The following RCAN3 variants were observed in gnomAD, a reference collection of about 807,000 sequenced individuals.
The protein encoded by RCAN3 is calcipressin-3.
A neutral mutation model predicts 21.9 loss-of-function variants in RCAN3; 19 were observed. The observed-to-expected ratio is 0.87, with a 90% CI of 0.61 to 1.27. The LOEUF (loss-of-function observed/expected upper bound fraction) is 1.27, where lower values mean the gene tolerates loss of function less well. Ranked by LOEUF, RCAN3 falls within the 50% of genes most tolerant of loss-of-function variation. RCAN3 has a pLI of 0.00. For synonymous variants in RCAN3, 114 were observed against 112.3 expected (o/e 1.01, Z -0.09); for missense variants, 240 against 300.1 (o/e 0.80, Z 1.48).
chr1:24,515,913 G>A (rs1015674866), intron 2 of RCAN3, among the ~76,000 whole-genome samples: 2 of 152,220 alleles, frequency 1.3e-5, no homozygotes, highest in African/African-American at 4.8e-5. Context: ...GGGAGGCCAA[G>A]GCAGGCAGAT....
chr1:24,503,932 C>A (rs1210218106), intron 1 of RCAN3, among the ~76,000 whole-genome samples: 1 of 152,204 alleles, frequency 6.6e-6, no homozygotes, highest in Non-Finnish European at 1.5e-5. Flanking sequence ...TGATTACATA[C>A]GATGTAAAGT....
rs951135070 is a variant in RCAN3, at chr1:24,525,404, T to C, written c.196-5814T>C. ...GTCTGTATTTTGTGGAAAACCTACT[T>C]ACATCATAGGAAAAAGCCTCAGGCA... On this transcript the variant is annotated intron_variant, in intron 2 of 4. Coordinates refer to ENST00000374395, the MANE Select transcript of RCAN3 (RefSeq NM_013441.4). The surrounding 1 kb of genome is among the most constrained non-coding windows in gnomAD (Gnocchi z 4.1). 2.6e-5 allele frequency among the ~76,000 whole-genome samples: 4 copies of C among 152,172 alleles called. No individual in the cohort carries two copies. Among genetic ancestry groups the C allele is most frequent in the Non-Finnish European group, 2.9e-5 (2 of 68,024 alleles).
At chr1:24,529,590 A>C (rs1570479034) in intron 2 of RCAN3, among the ~76,000 whole-genome samples, 2 of 126,238 alleles carry the variant, frequency 1.6e-5, no homozygotes, top group African/African-American at 6.1e-5. Context: ...TCGTTCTGTC[A>C]CCCAGGCTGG....
intron 4 of RCAN3, among the ~76,000 whole-genome samples, chr1:24,533,891 G>A (rs557520523): frequency 2.9e-4 from 44 of 152,334 alleles, no homozygotes; most frequent in African/African-American, 1.0e-3. Context: ...GATTTTGCTA[G>A]TACTTGATAG....
intron 2 of RCAN3, among the ~76,000 whole-genome samples, chr1:24,515,362 G>A (rs1440527951): frequency 6.6e-6 from 1 of 151,876 alleles, no homozygotes; most frequent in African/African-American, 2.4e-5. Context: ...TATAACTGGG[G>A]AAAATGATTG....
intron 2 of RCAN3, among the ~76,000 whole-genome samples, chr1:24,520,359 T>C (rs184385480): frequency 2.0e-5 from 3 of 152,286 alleles, no homozygotes; most frequent in South Asian, 4.1e-4. Flanking sequence ...ACAGTGGGTT[T>C]AGAGTTATAG....
At chr1:24,505,221 TTC>T (rs1246153702) in intron 1 of RCAN3, among the ~76,000 whole-genome samples, 4 of 120,428 alleles carry the variant, frequency 3.3e-5, no homozygotes, top group Non-Finnish European at 5.0e-5. Context: ...GTTTTTTTTT[TTC>T]TCTTTTTTCT....
In RCAN3 at chr1:24,525,170, G is replaced by A. The variant is rs1649161624; in HGVS notation, c.196-6048G>A. Among the ~76,000 whole-genome samples the A allele has an allele frequency of 6.6e-6, 1 of 152,116 alleles. No individual in the cohort carries two copies. ...CACTTGGCTGCCATCCTCATCTGTT[G>A]CTCCTTGAAACTGACCTTCCCATAT... On this transcript the variant is annotated intron_variant, in intron 2 of 4. Coordinates refer to ENST00000374395, the MANE Select transcript of RCAN3 (RefSeq NM_013441.4). This position sits in a 1 kb window ranked among gnomAD's most constrained non-coding sequence, Gnocchi z 4.1.
intron 1 of RCAN3, among the ~76,000 whole-genome samples, chr1:24,506,689 CA>C (rs200489448): frequency 0.023 from 2,535 of 108,228 alleles, 53 homozygotes; most frequent in African/African-American, 0.063. Context: ...GAAGTTATAT[CA>C]AAAAAAAAAA....
rs1041651041 is a variant in RCAN3 at position 24,512,115 on chromosome 1, C to T, written c.-59-2199C>T. 5.3e-5 allele frequency among the ~76,000 whole-genome samples: 8 copies of T among 152,030 alleles called. No individual in the cohort carries two copies. In the East Asian group the frequency reaches 9.7e-4, roughly 18 times the overall value. On this transcript the variant is annotated intron_variant, in intron 1 of 4. Transcript: ENST00000374395. ...AAGTACAGCTGACACTTTGGGAGGC[C>T]GAGGCGGGCGGATAACTTAAGGTCA...
At chr1:24,530,375 A>AAAAAAAAAAAAAAAAAAAAAAC in intron 2 of RCAN3, among the ~76,000 whole-genome samples, 1 of 140,192 alleles carries the variant, frequency 7.1e-6, no homozygotes, top group African/African-American at 2.6e-5. Context: ...AAAAAAAAAA[A>AAAAAAAAAAAAAAAAAAAAAAC]AAAAGACAGT....
chr1:24,523,048 CTGTG>C (rs1156921095), intron 2 of RCAN3, among the ~76,000 whole-genome samples: 1 of 146,992 alleles, frequency 6.8e-6, no homozygotes, highest in Non-Finnish European at 1.5e-5. Context: ...GCCTGATATT[CTGTG>C]TGTATGTACA....
intron 2 of RCAN3, among the ~76,000 whole-genome samples, chr1:24,528,841 C>T (rs944746852): frequency 2.0e-5 from 3 of 152,098 alleles, no homozygotes; most frequent in Non-Finnish European, 4.4e-5. Flanking sequence ...AGCACAGGAG[C>T]TGGATATACT....
At chr1:24,517,616 C>T (rs57031513) in intron 2 of RCAN3, among the ~76,000 whole-genome samples, 22,710 of 151,894 alleles carry the variant, frequency 0.15, 1,806 homozygotes, top group African/African-American at 0.18. Context: ...TATTTAATAC[C>T]CTTAACAGTA....
chr1:24,537,574 A>G lies in RCAN3; in HGVS notation c.*2297A>G, dbSNP rs1184543622. Reference sequence around the variant, plus strand: ...TTTTCTTTTAATAGGCTTTTCTGCAATTTTTTTGAAATTGAGTTATTACTT... The same window carrying G: ...TTTTCTTTTAATAGGCTTTTCTGCAGTTTTTTTGAAATTGAGTTATTACTT... On this transcript the variant is annotated 3_prime_UTR_variant, in exon 5 of 5. Transcript: ENST00000374395. The G allele has an allele frequency of 6.8e-6, 1 of 146,928 alleles. No homozygotes were observed. Among genetic ancestry groups the G allele is most frequent in the Non-Finnish European group, 1.5e-5 (1 of 67,064 alleles). 9.1% of individuals were successfully genotyped at this position (146,928 alleles called of 1,614,324 possible).
At chr1:24,528,703 G>C (rs196416) in intron 2 of RCAN3, among the ~76,000 whole-genome samples, 23 of 151,968 alleles carry the variant, frequency 1.5e-4, no homozygotes, top group Non-Finnish European at 2.4e-4. Flanking sequence ...AGCCTTAAAA[G>C]GTAGGAAGCG....
chr1:24,506,321 A>G (rs563172576), intron 1 of RCAN3, among the ~76,000 whole-genome samples: 2 of 152,254 alleles, frequency 1.3e-5, no homozygotes, highest in Non-Finnish European at 2.9e-5. Context: ...ATAATTTGAC[A>G]ATAATCTAAA....
At chr1:24,510,243 C>T (rs191871637) in intron 1 of RCAN3, among the ~76,000 whole-genome samples, 38 of 152,236 alleles carry the variant, frequency 2.5e-4, no homozygotes, top group African/African-American at 8.9e-4. Flanking sequence ...CTATGTTAGC[C>T]GCTAACAAAA....
At chr1:24,513,526 G>A (rs997644326) in intron 1 of RCAN3, among the ~76,000 whole-genome samples, 33 of 152,026 alleles carry the variant, frequency 2.2e-4, no homozygotes, top group African/African-American at 7.5e-4. Flanking sequence ...AAAGTTAGCC[G>A]GGCATGGTGG....
Sources: gnomAD v4.1 joint callset for allele counts (sites outside exome capture counted in the v4.1 genomes callset) on GRCh38, gnomAD v4.1.1 for gene constraint, Gnocchi (gnomAD v3.1) non-coding constraint, MANE v1.5 for transcripts, NCBI Gene and HGNC (gene_info 2026-07-23, HGNC 2026-07-21) for gene names.